Variants in NAV1 observed in about 807,000 individuals in gnomAD.
The protein encoded by NAV1 is pore membrane and/or filament interacting like protein 3.
Under a neutral mutation model 175.2 loss-of-function variants are expected in NAV1, and 18 were observed. That is an observed-to-expected ratio of 0.10 (90% CI 0.07 to 0.15). The LOEUF (loss-of-function observed/expected upper bound fraction) is 0.15. Among genes scored for constraint, NAV1 ranks in the 10% least tolerant of loss-of-function variants. The probability of loss-of-function intolerance (pLI) is 1.00; values close to 1 mark genes in which losing one functional copy is unlikely to be tolerated. For missense variants in NAV1, 1,731 were observed against 2,436.6 expected (o/e 0.71, Z 6.10); for synonymous variants, 897 against 978.7 (o/e 0.92, Z 1.56).
chr1:201,592,566 G>A (rs1405896432), intron 2 of NAV1, among the ~76,000 whole-genome samples: 1 of 152,194 alleles, frequency 6.6e-6, no homozygotes, highest in African/African-American at 2.4e-5. Context: ...ATGTAAGGTG[G>A]AGAGAGTGTC....
intron 3 of NAV1, among the ~76,000 whole-genome samples, chr1:201,737,071 C>T (rs1439611970): frequency 6.6e-6 from 1 of 152,128 alleles, no homozygotes; most frequent in Non-Finnish European, 1.5e-5. Flanking sequence ...GGTCAGGGCC[C>T]CTTCAAGCGC....
chr1:201,641,163 A>C (rs1290979950), intron 2 of NAV1, among the ~76,000 whole-genome samples: 1 of 152,110 alleles, frequency 6.6e-6, no homozygotes, highest in Non-Finnish European at 1.5e-5. Flanking sequence ...TCCAGGCCCA[A>C]ATCCTTGGGG....
At chr1:201,612,848 T>A (rs1301876755) in intron 2 of NAV1, among the ~76,000 whole-genome samples, 1 of 152,026 alleles carries the variant, frequency 6.6e-6, no homozygotes, top group East Asian at 1.9e-4. Context: ...TGTGTGTATG[T>A]CTGTGTGTGT....
chr1:201,713,997 G>A (rs1050805711), intron 2 of NAV1, among the ~76,000 whole-genome samples: 6 of 152,134 alleles, frequency 3.9e-5, no homozygotes, highest in Admixed American at 3.3e-4. Flanking sequence ...TATTTTTAAA[G>A]ACCGAGTCTC....
intron 2 of NAV1, 126 bp downstream of exon 6, chr1:201,713,045 G>C: frequency 1.5e-6 from 1 of 659,190 alleles, no homozygotes; most frequent in Middle Eastern, 3.6e-4. Flanking sequence ...GATGCGTGGA[G>C]CCACTGCAGA....
At chr1:201,719,474 A>G (rs944610524) in intron 3 of NAV1, 1 of 154,078 alleles carries the variant, frequency 6.5e-6, no homozygotes, top group African/African-American at 2.4e-5. Context: ...GCCTTAATTG[A>G]CAGAGTTGTG....
intron 1 of NAV1, among the ~76,000 whole-genome samples, chr1:201,704,619 G>T (rs1671588461): frequency 6.6e-6 from 1 of 152,230 alleles, no homozygotes; most frequent in South Asian, 2.1e-4. Context: ...TTTTGTAATG[G>T]ACATCCAATA....
intron 3 of NAV1, among the ~76,000 whole-genome samples, chr1:201,771,968 T>C (rs1675618696): frequency 6.6e-6 from 1 of 152,214 alleles, no homozygotes; most frequent in African/African-American, 2.4e-5. Flanking sequence ...TTGGAGAATA[T>C]ATAAATAGCA....
intron 1 of NAV1, among the ~76,000 whole-genome samples, chr1:201,553,495 C>T (rs975915076): frequency 1.3e-5 from 2 of 152,224 alleles, no homozygotes; most frequent in Admixed American, 1.3e-4. Context: ...GGAGGGAATC[C>T]TTTTCTCTTC....
chr1:201,780,915 G>T, intron 4 of NAV1, 97 bp from the exon 9 acceptor site: 1 of 1,349,160 alleles, frequency 7.4e-7, no homozygotes. Flanking sequence ...ACTCTGAGAT[G>T]AGCAGCGCCA....
intron 2 of NAV1, among the ~76,000 whole-genome samples, chr1:201,602,658 T>C (rs1320903779): frequency 8.1e-6 from 1 of 123,624 alleles, no homozygotes; most frequent in South Asian, 2.8e-4. Flanking sequence ...TTGGTTTTTT[T>C]TTTTTTTGGT....
chr1:201,654,946 T>A (rs1266454926), intron 1 of NAV1, among the ~76,000 whole-genome samples: 1 of 152,244 alleles, frequency 6.6e-6, no homozygotes, highest in African/African-American at 2.4e-5. Flanking sequence ...CTGAATTTGC[T>A]CTCTGGATGC....
chr1:201,568,138 G>T (rs541394507), intron 1 of NAV1, among the ~76,000 whole-genome samples: 18 of 152,314 alleles, frequency 1.2e-4, no homozygotes, highest in South Asian at 2.1e-4. Context: ...GAGGCTGTGG[G>T]CTGGGGTGAA....
intron 1 of NAV1, among the ~76,000 whole-genome samples, chr1:201,665,345 GT>G (rs1468502703): frequency 6.6e-6 from 1 of 152,058 alleles, no homozygotes; most frequent in Admixed American, 6.5e-5. Flanking sequence ...TGTTCTCATT[GT>G]GCCTCCAACA....
intron 15 of NAV1, 190 bp downstream of exon 19, chr1:201,794,767 T>C: frequency 1.7e-6 from 1 of 605,218 alleles, no homozygotes; most frequent in Non-Finnish European, 2.9e-6. Flanking sequence ...CCCAGCTTCC[T>C]AGGGCATGAA....
At chr1:201,698,012 C>T (rs2102433663) in intron 1 of NAV1, among the ~76,000 whole-genome samples, 1 of 152,282 alleles carries the variant, frequency 6.6e-6, no homozygotes, top group Middle Eastern at 3.4e-3. Flanking sequence ...AATACCTTGC[C>T]CAAGGTCACA....
At chr1:201,805,177 T>C (rs377040826) in intron 17 of NAV1, among the ~76,000 whole-genome samples, 82 of 152,242 alleles carry the variant, frequency 5.4e-4, no homozygotes, top group African/African-American at 1.9e-3. Context: ...GTGCTAGGTG[T>C]GTTGTGAAGG....
chr1:201,794,308 C>T (rs1047412038), intron 14 of NAV1, 158 bp from the exon 19 acceptor site: 55 of 676,400 alleles, frequency 8.1e-5, no homozygotes, highest in Admixed American at 2.2e-4. Flanking sequence ...CCCGCCACCA[C>T]GCCCAGCTAA....
chr1:201,670,380 CAAAAAAAAAAAAAAAA>C lies in NAV1; in HGVS notation c.757+20968_757+20983del, dbSNP rs58216500. Among the ~76,000 whole-genome samples, 5 of 12,186 alleles carry C rather than the reference CAAAAAAAAAAAAAAAA, an allele frequency of 4.1e-4. 1 individual carries two copies. The highest frequency in any genetic ancestry group is 8.3e-3 in the South Asian group (2 of 242). The allele number at this position is 12,186 out of a possible 152,430, so 8.0% of individuals were successfully genotyped here. On this transcript the variant is annotated intron_variant, in intron 1 of 29. Transcript: ENST00000367296. ...TGGGCGACAGAGCGAGACTCCATCT[CAAAAAAAAAAAAAAAA>C]AAAAAAAAAAAAGGTAAGCTCATCT...
Sources: allele counts gnomAD v4.1 joint callset (sites outside exome capture counted in the v4.1 genomes callset), GRCh38; gene constraint gnomAD v4.1.1; transcripts MANE v1.5; gene names NCBI Gene and HGNC (gene_info 2026-07-23, HGNC 2026-07-21).